CADM2: variants seen among roughly 807,000 people sequenced by gnomAD.
CADM2 encodes the protein immunoglobulin superfamily member 4D.
A neutral mutation model predicts 49.8 loss-of-function variants in CADM2; 12 were observed. The observed-to-expected ratio is 0.24, with a 90% CI of 0.15 to 0.39. CADM2 has a LOEUF of 0.39. CADM2 is among the 10% of genes least tolerant of loss of function. CADM2 has a pLI of 1.00. For missense variants in CADM2, 378 were observed against 492.3 expected (o/e 0.77, Z 2.20); for synonymous variants, 214 against 175.4 (o/e 1.22, Z -1.74).
At chr3:85,865,930 T>A (rs2075705884) in intron 3 of CADM2, among the ~76,000 whole-genome samples, 1 of 152,076 alleles carries the variant, frequency 6.6e-6, no homozygotes, top group Non-Finnish European at 1.5e-5. Context: ...TGCAAAACTA[T>A]GAGATAGATA....
intron 1 of CADM2, among the ~76,000 whole-genome samples, chr3:85,194,780 T>G (rs1372664780): frequency 3.9e-5 from 6 of 152,002 alleles, no homozygotes; most frequent in Admixed American, 6.6e-5. Flanking sequence ...GATTAAGAAG[T>G]GTCGTGATCC....
chr3:85,953,658 A>G (rs1255156173), intron 7 of CADM2, among the ~76,000 whole-genome samples: 2 of 151,040 alleles, frequency 1.3e-5, no homozygotes, highest in Admixed American at 6.6e-5. Flanking sequence ...GATGACATAT[A>G]TCTTATAGAA....
intron 1 of CADM2, among the ~76,000 whole-genome samples, chr3:85,693,723 CAAAA>C (rs397807084): frequency 2.7e-4 from 18 of 66,538 alleles, no homozygotes; most frequent in African/African-American, 6.3e-4. Context: ...ACGTATCTAC[CAAAA>C]AAAAAAAAAA....
chr3:85,749,078 G>T (rs578107068), intron 2 of CADM2, among the ~76,000 whole-genome samples: 37 of 151,728 alleles, frequency 2.4e-4, no homozygotes, highest in Admixed American at 7.2e-4. Context: ...GAAAAAATAT[G>T]CCACCTACAA....
At chr3:85,598,895 C>G (rs2063322500) in intron 1 of CADM2, among the ~76,000 whole-genome samples, 2 of 151,326 alleles carry the variant, frequency 1.3e-5, no homozygotes, top group African/African-American at 4.9e-5. Context: ...CACACATAGA[C>G]ATATATATCT....
chr3:85,541,294 A>T (rs61586601), intron 1 of CADM2, among the ~76,000 whole-genome samples: 76,950 of 150,886 alleles, frequency 0.51, 22,632 homozygotes, highest in East Asian at 0.85. Flanking sequence ...ACACACATGC[A>T]TACACACACG....
intron 3 of CADM2, among the ~76,000 whole-genome samples, chr3:85,873,318 A>C (rs2108359770): frequency 6.6e-6 from 1 of 152,348 alleles, no homozygotes; most frequent in Admixed American, 6.5e-5. Context: ...TCTGTGATAA[A>C]GAAAAATAAA....
intron 1 of CADM2, among the ~76,000 whole-genome samples, chr3:85,657,387 G>C (rs551693237): frequency 2.6e-5 from 4 of 151,816 alleles, no homozygotes; most frequent in South Asian, 2.1e-4. Flanking sequence ...CTTATTAAAG[G>C]GTTCTCAGTA....
intron 1 of CADM2, among the ~76,000 whole-genome samples, chr3:85,080,088 A>G (rs758608145): frequency 3.3e-5 from 5 of 152,060 alleles, no homozygotes; most frequent in Non-Finnish European, 7.4e-5. Flanking sequence ...TTTTTGAGAA[A>G]TCTCAGAAGG....
chr3:85,864,857 TTTC>T (rs1040674594), intron 3 of CADM2, among the ~76,000 whole-genome samples: 7 of 152,196 alleles, frequency 4.6e-5, no homozygotes, highest in Non-Finnish European at 8.8e-5. Flanking sequence ...AAGCTAGAAT[TTTC>T]TTCTTTTTGC....
At chr3:85,155,527 T>G in intron 1 of CADM2, among the ~76,000 whole-genome samples, 1 of 152,016 alleles carries the variant, frequency 6.6e-6, no homozygotes, top group Admixed American at 6.6e-5. Context: ...ATTAGACAGA[T>G]CAACGAGACA....
intron 2 of CADM2, among the ~76,000 whole-genome samples, chr3:85,769,627 A>ATACACATATATACATATATACATATATAG (rs1553683541): frequency 2.5e-5 from 3 of 117,962 alleles, no homozygotes; most frequent in Admixed American, 9.7e-5. Context: ...TATATAGTAT[A>ATACACATATATACATATATACATATATAG]TATATACACA....
At chr3:85,087,648 T>C (rs1301731055) in intron 1 of CADM2, among the ~76,000 whole-genome samples, 1 of 152,192 alleles carries the variant, frequency 6.6e-6, no homozygotes, top group Non-Finnish European at 1.5e-5. Flanking sequence ...TAATTTGTAA[T>C]ATATTTTTTG....
At chr3:85,868,906 C>T (rs996432001) in intron 3 of CADM2, among the ~76,000 whole-genome samples, 1 of 152,126 alleles carries the variant, frequency 6.6e-6, no homozygotes, top group African/African-American at 2.4e-5. Flanking sequence ...TCTTCATCTC[C>T]ATTTTTAATT....
In CADM2 at chr3:85,802,054, A is replaced by C; in HGVS notation, c.96A>C (p.Gln32His). The change falls in exon 3 of 10, where the codon CAA becomes CAC. Residue 32 changes from glutamine (Q) to histidine (H), a missense_variant. By Grantham distance (24) the Gln-to-His change is conservative. Transcript: ENST00000383699. ...TCTTTAATCCCCTTTTAGGCAGCCA[A>C]GGGCAGTTTCCACTAACACAGAATG... is the stretch of plus-strand genomic sequence containing the variant. Reference protein sequence around the residue: ...AASKNKVKGSQGQFPLTQNVT... With the variant: ...AASKNKVKGSHGQFPLTQNVT... 1 of 1,608,974 alleles carries C rather than the reference A, an allele frequency of 6.2e-7. No individual in the cohort carries two copies. Among genetic ancestry groups the C allele is most frequent in the Non-Finnish European group, 8.5e-7 (1 of 1,177,432 alleles).
At chr3:85,297,785 A>T (rs2044001880) in intron 1 of CADM2, among the ~76,000 whole-genome samples, 1 of 151,986 alleles carries the variant, frequency 6.6e-6, no homozygotes, top group Non-Finnish European at 1.5e-5. Flanking sequence ...ACAAAAACTT[A>T]TTTATTTATT....
intron 7 of CADM2, among the ~76,000 whole-genome samples, chr3:85,947,585 A>G (rs1213494768): frequency 6.6e-6 from 1 of 151,410 alleles, no homozygotes; most frequent in Non-Finnish European, 1.5e-5. Flanking sequence ...TTCCATAATG[A>G]GTTTCTTTTC....
chr3:85,016,020 G>T (rs542797555), intron 1 of CADM2, among the ~76,000 whole-genome samples: 1 of 152,252 alleles, frequency 6.6e-6, no homozygotes, highest in East Asian at 1.9e-4. Context: ...GGAAGGAAAT[G>T]GAGATCAATT....
At chr3:85,037,164 C>T (rs2035252521) in intron 1 of CADM2, among the ~76,000 whole-genome samples, 1 of 150,038 alleles carries the variant, frequency 6.7e-6, no homozygotes, top group African/African-American at 2.4e-5. Flanking sequence ...AGTGAAACTC[C>T]ATCTCTAAAA....
Sources: allele counts gnomAD v4.1 joint callset (sites outside exome capture counted in the v4.1 genomes callset), GRCh38; gene constraint gnomAD v4.1.1; transcripts MANE v1.5; gene names NCBI Gene and HGNC (gene_info 2026-07-23, HGNC 2026-07-21).